CRPPA: variants seen among roughly 807,000 people sequenced by gnomAD.
CRPPA encodes CDP-L-ribitol pyrophosphorylase A.
CRPPA carries 43 observed loss-of-function variants against 52.0 expected under a neutral mutation model. The ratio of observed to expected loss-of-function variants is 0.83; its 90% CI spans 0.65 to 1.07. The LOEUF is 1.07. Among genes scored for constraint, CRPPA ranks in the 50% least tolerant of loss-of-function variants. The pLI, the probability that CRPPA is intolerant of heterozygous loss-of-function variation, is 0.00. For missense variants in CRPPA, 629 were observed against 551.7 expected (o/e 1.14, Z -1.40); for synonymous variants, 250 against 203.5 (o/e 1.23, Z -1.94).
At position 16,249,366 on chromosome 7, in the gene CRPPA, A is replaced by G. The variant is rs1226094170; in HGVS notation, c.1119+9024T>C. Among the ~76,000 whole-genome samples the G allele has an allele frequency of 3.3e-5, 5 of 152,182 alleles. No homozygotes were observed. The East Asian group carries it at 9.6e-4, about 29-fold the overall frequency. ...AGAGCAGTGGTTCTCCCAGCCCAGCATTCGAGCTCTAATAATGGACCGACT... is the reference window on the plus strand; with the variant it reads ...AGAGCAGTGGTTCTCCCAGCCCAGCGTTCGAGCTCTAATAATGGACCGACT... On this transcript the variant is annotated intron_variant, in intron 8 of 9. Coordinates refer to ENST00000407010, the MANE Select transcript of CRPPA (RefSeq NM_001101426.4).
intron 3 of CRPPA, among the ~76,000 whole-genome samples, chr7:16,357,703 C>T (rs550278178): frequency 1.3e-5 from 2 of 152,278 alleles, no homozygotes; most frequent in Non-Finnish European, 2.9e-5. Flanking sequence ...CCACAATAAT[C>T]TCAACAGGAA....
intron 2 of CRPPA, among the ~76,000 whole-genome samples, chr7:16,386,206 T>C (rs1562670514): frequency 1.3e-5 from 2 of 152,200 alleles, no homozygotes; most frequent in South Asian, 2.1e-4. Flanking sequence ...GGCTGTCCAG[T>C]GGTCAATCTT....
chr7:16,288,542 T>C (rs1784494599), intron 5 of CRPPA, among the ~76,000 whole-genome samples: 1 of 151,486 alleles, frequency 6.6e-6, no homozygotes, highest in Non-Finnish European at 1.5e-5. Context: ...CTAAACAAAA[T>C]AAAGACTGAA....
In CRPPA at chr7:16,274,526, T is replaced by C. The variant is rs575334425; in HGVS notation, c.933+3603A>G. Among the ~76,000 whole-genome samples, 6 of 152,236 alleles carry C rather than the reference T, an allele frequency of 3.9e-5. No individual in the cohort carries two copies. The East Asian group carries it at 9.6e-4, about 24-fold the overall frequency. On this transcript the variant is annotated intron_variant, in intron 6 of 9. Transcript: ENST00000407010. The stretch of plus-strand genomic sequence containing the variant: ...AATAACAGGACACCCAAAGTTCAGT[T>C]TTAGAAGTTCTACATTAGCTCCTCA...
At chr7:16,419,545 G>A (rs1460186439) in intron 1 of CRPPA, among the ~76,000 whole-genome samples, 1 of 152,062 alleles carries the variant, frequency 6.6e-6, no homozygotes, top group African/African-American at 2.4e-5. Flanking sequence ...GCATCCTCTG[G>A]CTGCAAGAGT....
At chr7:16,170,216 G>A (rs1224944487) in intron 9 of CRPPA, among the ~76,000 whole-genome samples, 1 of 152,008 alleles carries the variant, frequency 6.6e-6, no homozygotes, top group Non-Finnish European at 1.5e-5. Flanking sequence ...TCTCTTCCAA[G>A]GGCAGAGAGT....
At chr7:16,400,337 C>T (rs540467897) in intron 2 of CRPPA, among the ~76,000 whole-genome samples, 2 of 152,322 alleles carry the variant, frequency 1.3e-5, no homozygotes, top group East Asian at 1.9e-4. Context: ...CTGATAGACA[C>T]GTGATTGACA....
At chr7:16,340,613 A>G (rs547987505) in intron 3 of CRPPA, among the ~76,000 whole-genome samples, 152 of 43,896 alleles carry the variant, frequency 3.5e-3, no homozygotes, top group African/African-American at 0.015. Flanking sequence ...CAAAAAAAAA[A>G]AAGAAAAAAA....
chr7:16,167,095 A>AT (rs1781083523), intron 9 of CRPPA, among the ~76,000 whole-genome samples: 1 of 151,782 alleles, frequency 6.6e-6, no homozygotes, highest in African/African-American at 2.4e-5. Context: ...TGCCCGGCTA[A>AT]TTTTTTGTAC....
At chr7:16,243,738 G>T (rs1387050657) in intron 8 of CRPPA, among the ~76,000 whole-genome samples, 1 of 152,178 alleles carries the variant, frequency 6.6e-6, no homozygotes, top group African/African-American at 2.4e-5. Flanking sequence ...GGCCAAGGTG[G>T]AAAGATTGCT....
intron 9 of CRPPA, among the ~76,000 whole-genome samples, chr7:16,168,592 T>C (rs1020087890): frequency 6.8e-6 from 1 of 146,908 alleles, no homozygotes; most frequent in Non-Finnish European, 1.5e-5. Context: ...TAACATACCA[T>C]TGAAGAGAGA....
At chr7:16,179,070 G>A (rs545451825) in intron 9 of CRPPA, among the ~76,000 whole-genome samples, 1 of 151,956 alleles carries the variant, frequency 6.6e-6, no homozygotes, top group Non-Finnish European at 1.5e-5. Flanking sequence ...TAATTTCATG[G>A]TAAAGCAATC....
intron 5 of CRPPA, among the ~76,000 whole-genome samples, chr7:16,281,586 T>C (rs1170735794): frequency 6.6e-6 from 1 of 152,208 alleles, no homozygotes; most frequent in African/African-American, 2.4e-5. Flanking sequence ...GGCCCTGTCA[T>C]ATTGTCATTA....
At chr7:16,104,337 A>T (rs768689993) in intron 9 of CRPPA, among the ~76,000 whole-genome samples, 2 of 152,230 alleles carry the variant, frequency 1.3e-5, no homozygotes, top group Non-Finnish European at 2.9e-5. Context: ...ATTATTGCCT[A>T]TAGAGATTCT....
chr7:16,189,347 T>G (rs1448812264), intron 9 of CRPPA, among the ~76,000 whole-genome samples: 1 of 152,162 alleles, frequency 6.6e-6, no homozygotes, highest in Non-Finnish European at 1.5e-5. Context: ...CCAATCTCAT[T>G]TGATATTCAC....
At chr7:16,373,548 G>A (rs1312587360) in intron 3 of CRPPA, among the ~76,000 whole-genome samples, 2 of 152,162 alleles carry the variant, frequency 1.3e-5, no homozygotes, top group Non-Finnish European at 2.9e-5. Context: ...ATGACTTCAA[G>A]TAATTATTCA....
At position 16,199,854 on chromosome 7, in the gene CRPPA, C is replaced by CTT. The variant is rs68003825; in HGVS notation, c.1251+16210_1251+16211dup. Among the ~76,000 whole-genome samples, 113 of 120,108 alleles carry CTT rather than the reference C, an allele frequency of 9.4e-4. 1 individual carries two copies. Among genetic ancestry groups the CTT allele is most frequent in the Non-Finnish European group, 1.5e-3 (87 of 57,866 alleles). The allele number at this position is 120,108 out of a possible 152,430, so 78.8% of individuals were successfully genotyped here. On this transcript the variant is annotated intron_variant, in intron 9 of 9. Transcript: ENST00000407010. ...TTGCCTTCAGATCTGTAAGCTTTTTCTTTTTTTTTTTTTTTTTTTTGAGAT... is the reference window on the plus strand; with the variant it reads ...TTGCCTTCAGATCTGTAAGCTTTTTCTTTTTTTTTTTTTTTTTTTTTTGAGAT...
intron 1 of CRPPA, among the ~76,000 whole-genome samples, chr7:16,410,350 T>C (rs1283001596): frequency 6.6e-6 from 1 of 152,218 alleles, no homozygotes; most frequent in Non-Finnish European, 1.5e-5. Flanking sequence ...CCTAGGCCTT[T>C]CATTGCAAAT....
At chr7:16,375,251 C>T (rs1466490469) in intron 3 of CRPPA, among the ~76,000 whole-genome samples, 1 of 152,158 alleles carries the variant, frequency 6.6e-6, no homozygotes, top group African/African-American at 2.4e-5. Flanking sequence ...CTTCTATCCC[C>T]TTACCTAATT....
Sources: gnomAD v4.1 joint callset for allele counts (sites outside exome capture counted in the v4.1 genomes callset) on GRCh38, gnomAD v4.1.1 for gene constraint, MANE v1.5 for transcripts, NCBI Gene and HGNC (gene_info 2026-07-23, HGNC 2026-07-21) for gene names.